SYT1: variants seen among roughly 807,000 people sequenced by gnomAD.
The protein encoded by SYT1 is synaptotagmin-1.
In SYT1, 8 loss-of-function variants were observed where a neutral mutation model predicts 44.8. The ratio of observed to expected loss-of-function variants is 0.18; its 90% CI spans 0.10 to 0.32. The LOEUF (loss-of-function observed/expected upper bound fraction) is 0.32, where lower values mean the gene tolerates loss of function less well. Ranked by LOEUF, SYT1 falls within the 10% of genes least tolerant of loss-of-function variation. The probability of loss-of-function intolerance (pLI) is 1.00; values close to 1 mark genes in which losing one functional copy is unlikely to be tolerated. For missense variants in SYT1, 286 were observed against 509.3 expected (o/e 0.56, Z 4.22); for synonymous variants, 154 against 188.8 (o/e 0.82, Z 1.51).
At chr12:79,082,851 C>A (rs1263746100) in intron 3 of SYT1, among the ~76,000 whole-genome samples, 1 of 152,078 alleles carries the variant, frequency 6.6e-6, no homozygotes, top group Admixed American at 6.6e-5. Flanking sequence ...GGTATATGAG[C>A]TAAACCTGCC....
At position 79,006,557 on chromosome 12, in the gene SYT1, T is replaced by C. The variant is rs868542595; in HGVS notation, c.-84+28626T>C. On this transcript the variant is annotated intron_variant, in intron 2 of 10. Transcript: ENST00000261205. ...TCTTTTGGCAGTCAGTAGGGATAAG[T>C]ATTTGGTGCCATCTTCTGAGAGCCC... 4.6e-5 allele frequency among the ~76,000 whole-genome samples: 7 copies of C among 152,272 alleles called. 1 individual carries two copies. The highest frequency in any genetic ancestry group is 6.8e-3 in the Middle Eastern group (2 of 294).
At chr12:79,284,753 T>C (rs1879223123) in intron 4 of SYT1, among the ~76,000 whole-genome samples, 1 of 151,284 alleles carries the variant, frequency 6.6e-6, no homozygotes, top group African/African-American at 2.4e-5. Context: ...GCAGGGGAAT[T>C]GCTTGAACCC....
intron 3 of SYT1, among the ~76,000 whole-genome samples, chr12:79,181,216 T>C (rs1872520359): frequency 6.6e-6 from 1 of 152,060 alleles, no homozygotes; most frequent in African/African-American, 2.4e-5. Context: ...CTAATCCACG[T>C]TTACAATTGA....
chr12:79,398,864 T>C (rs1884968651), intron 9 of SYT1, among the ~76,000 whole-genome samples: 2 of 152,318 alleles, frequency 1.3e-5, no homozygotes, highest in South Asian at 2.1e-4. Flanking sequence ...CAAACAATTT[T>C]CTATTCAACA....
chr12:78,876,783 TATAATACATATA>T (rs1370768213), intron 1 of SYT1, among the ~76,000 whole-genome samples: 1 of 97,374 alleles, frequency 1.0e-5, no homozygotes, highest in African/African-American at 4.5e-5. Context: ...TTATATATTA[TATAATACATATA>T]ATATATTATA....
intron 9 of SYT1, among the ~76,000 whole-genome samples, chr12:79,438,349 G>C (rs1187695113): frequency 6.6e-6 from 1 of 152,176 alleles, no homozygotes; most frequent in Admixed American, 6.5e-5. Context: ...GAAGGACTAG[G>C]TGGAGGTGAT....
chr12:79,185,589 T>TA (rs892425947), intron 3 of SYT1, among the ~76,000 whole-genome samples: 6 of 151,992 alleles, frequency 3.9e-5, no homozygotes, highest in Middle Eastern at 3.4e-3. Context: ...AAATATATGT[T>TA]AAAAAAAGAG....
intron 2 of SYT1, among the ~76,000 whole-genome samples, chr12:79,021,159 G>A (rs901519530): frequency 1.3e-5 from 2 of 151,878 alleles, no homozygotes; most frequent in African/African-American, 2.4e-5. Flanking sequence ...AATGTATGCA[G>A]GCACTCCTTA....
chr12:79,169,056 T>C (rs547309596), intron 3 of SYT1, among the ~76,000 whole-genome samples: 1 of 152,072 alleles, frequency 6.6e-6, no homozygotes, highest in South Asian at 2.1e-4. Context: ...TAAGTGAGAG[T>C]CCCATTGAAA....
At chr12:78,973,475 A>G (rs1868522321) in intron 1 of SYT1, among the ~76,000 whole-genome samples, 1 of 152,128 alleles carries the variant, frequency 6.6e-6, no homozygotes, top group African/African-American at 2.4e-5. Context: ...TAAAACTACC[A>G]TATCATCCAG....
chr12:79,191,770 C>T (rs553504876), intron 3 of SYT1, among the ~76,000 whole-genome samples: 1 of 152,036 alleles, frequency 6.6e-6, no homozygotes, highest in African/African-American at 2.4e-5. Context: ...ATAACATCTC[C>T]TTTAATCCTC....
intron 1 of SYT1, chr12:78,960,213 T>C (rs1036465159): frequency 1.3e-5 from 2 of 152,154 alleles, no homozygotes; most frequent in Admixed American, 1.3e-4. Context: ...GATTTCTTTC[T>C]AAACATTGGC....
At chr12:79,371,997 G>A (rs1165401097) in intron 9 of SYT1, among the ~76,000 whole-genome samples, 1 of 152,140 alleles carries the variant, frequency 6.6e-6, no homozygotes, top group East Asian at 1.9e-4. Context: ...CTTCAACTGT[G>A]TTCTGTACAT....
chr12:78,877,440 A>G (rs1213388491), intron 1 of SYT1, among the ~76,000 whole-genome samples: 1 of 151,678 alleles, frequency 6.6e-6, no homozygotes, highest in Non-Finnish European at 1.5e-5. Flanking sequence ...CTGGGTGGGG[A>G]CACAGCTAAA....
At chr12:78,987,478 A>T (rs1208894124) in intron 2 of SYT1, among the ~76,000 whole-genome samples, 1 of 152,046 alleles carries the variant, frequency 6.6e-6, no homozygotes, top group East Asian at 1.9e-4. Context: ...GGCTGAATCA[A>T]AAAGACTATT....
intron 8 of SYT1, among the ~76,000 whole-genome samples, chr12:79,329,245 G>C (rs1418325486): frequency 6.6e-6 from 1 of 152,134 alleles, no homozygotes; most frequent in Non-Finnish European, 1.5e-5. Context: ...AGTGTGGTAA[G>C]ATACACACCT....
At chr12:79,181,220 C>A (rs1014190712) in intron 3 of SYT1, among the ~76,000 whole-genome samples, 1 of 152,000 alleles carries the variant, frequency 6.6e-6, no homozygotes, top group African/African-American at 2.4e-5. Context: ...TCCACGTTTA[C>A]AATTGAACGT....
chr12:79,031,806 A>C (rs1035659853), intron 2 of SYT1, among the ~76,000 whole-genome samples: 1 of 151,106 alleles, frequency 6.6e-6, no homozygotes, highest in Non-Finnish European at 1.5e-5. Context: ...TAATCATGGG[A>C]AATGTCTAGA....
intron 9 of SYT1, among the ~76,000 whole-genome samples, chr12:79,397,774 T>A (rs897041691): frequency 6.6e-6 from 1 of 152,218 alleles, no homozygotes; most frequent in Non-Finnish European, 1.5e-5. Flanking sequence ...GTGGGGAGGA[T>A]GTGATTCATA....
Sources: gnomAD v4.1 joint callset for allele counts (sites outside exome capture counted in the v4.1 genomes callset) on GRCh38, gnomAD v4.1.1 for gene constraint, MANE v1.5 for transcripts, NCBI Gene and HGNC (gene_info 2026-07-23, HGNC 2026-07-21) for gene names.